The following XIRP2 variants were observed in gnomAD, a reference collection of about 807,000 sequenced individuals.
XIRP2 encodes the protein xin actin-binding repeat-containing protein 2.
XIRP2 carries 236 observed loss-of-function variants against 277.0 expected under a neutral mutation model. That is an observed-to-expected ratio of 0.85 (90% confidence interval 0.77 to 0.95). The LOEUF (loss-of-function observed/expected upper bound fraction) is 0.95. Ranked by LOEUF, XIRP2 falls within the 40% of genes least tolerant of loss-of-function variation. The pLI is 0.00. For synonymous variants in XIRP2, 1,490 were observed against 1,416.5 expected (o/e 1.05, Z -1.17); for missense variants, 4,640 against 4,157.5 (o/e 1.12, Z -3.19).
rs762260273 is a variant in XIRP2 at position 167,245,700 on chromosome 2, A to G, written c.4308A>G (p.Ile1436Met). The G allele has an allele frequency of 7.7e-5, 124 of 1,613,632 alleles. No homozygotes were observed. Among genetic ancestry groups the G allele is most frequent in the Middle Eastern group, 1.6e-4 (1 of 6,062 alleles). The change falls in exon 9 of 11, where the codon ATA (isoleucine) becomes ATG (methionine). Residue 1436 changes from isoleucine (I) to methionine (M), a missense_variant. Ile to Met is a conservative substitution (Grantham distance 10). Coordinates refer to ENST00000409195, the MANE Select transcript of XIRP2 (RefSeq NM_152381.6). Reference sequence around the variant, plus strand: ...AAAATTTTGATAAGAATAACTATATACGAACAGTAAGTGTCAATGAAATAC... The same window carrying G: ...AAAATTTTGATAAGAATAACTATATGCGAACAGTAAGTGTCAATGAAATAC... ...ESENFDKNNY[I>M]RTVSVNEIQK... is the part of the protein sequence containing the mutation.
intron 2 of XIRP2, among the ~76,000 whole-genome samples, chr2:166,983,597 C>G (rs1686928919): frequency 6.6e-6 from 1 of 152,116 alleles, no homozygotes; most frequent in African/African-American, 2.4e-5. Flanking sequence ...GATGGCTGAT[C>G]TCTTTGAGTT....
intron 2 of XIRP2, among the ~76,000 whole-genome samples, chr2:166,909,926 G>T (rs527255112): frequency 6.6e-6 from 1 of 152,116 alleles, no homozygotes; most frequent in Non-Finnish European, 1.5e-5. Context: ...ACTGATTTGC[G>T]TATGTTGAAC....
At chr2:166,932,664 A>G (rs561840934) in intron 2 of XIRP2, among the ~76,000 whole-genome samples, 3 of 152,174 alleles carry the variant, frequency 2.0e-5, no homozygotes, top group African/African-American at 7.2e-5. Context: ...TAGAATCTTT[A>G]CTATTTTTCA....
rs182972513 is a variant in XIRP2, at chr2:167,221,852, A to G, written c.858+3552A>G. On this transcript the variant is annotated intron_variant, in intron 5 of 10. Transcript: ENST00000409195. Reference sequence around the variant, plus strand: ...TATAGTAATTAATATTAATTTGGAAATCAAGTTTAATTAGAGTTAAAAGAA... The same window carrying G: ...TATAGTAATTAATATTAATTTGGAAGTCAAGTTTAATTAGAGTTAAAAGAA... Among the ~76,000 whole-genome samples the G allele has an allele frequency of 3.6e-3, 555 of 152,318 alleles. 2 individuals carry two copies. The highest frequency in any genetic ancestry group is 0.012 in the African/African-American group (519 of 41,564).
rs983231625 is a variant in XIRP2, at chr2:167,056,990, T to G, written c.409-78919T>G. Among the ~76,000 whole-genome samples, 10 of 152,274 alleles carry G rather than the reference T, an allele frequency of 6.6e-5. 1 individual carries two copies. The highest frequency in any genetic ancestry group is 1.9e-4 in the African/African-American group (8 of 41,554). ...TACTCTTGGGCAGTTTAACTTTTCT[T>G]TCTGTTTCCATATGTGAACTGGTGA... On this transcript the variant is annotated intron_variant, in intron 2 of 10. Transcript: ENST00000409195.
intron 3 of XIRP2, among the ~76,000 whole-genome samples, chr2:167,195,152 C>T (rs985282223): frequency 2.0e-5 from 3 of 152,152 alleles, no homozygotes; most frequent in Non-Finnish European, 4.4e-5. Flanking sequence ...AATTACTCTC[C>T]TCTCCTGGAG....
At chr2:167,064,849 C>T (rs559647159) in intron 2 of XIRP2, among the ~76,000 whole-genome samples, 3 of 151,970 alleles carry the variant, frequency 2.0e-5, no homozygotes, top group African/African-American at 4.8e-5. Context: ...TTTTTTAAGG[C>T]TGAATAATCT....
At chr2:167,152,431 C>T (rs908299410) in intron 3 of XIRP2, among the ~76,000 whole-genome samples, 9 of 151,964 alleles carry the variant, frequency 5.9e-5, no homozygotes, top group Admixed American at 1.3e-4. Context: ...AAAGCACTCA[C>T]GTTCAACAAT....
intron 2 of XIRP2, among the ~76,000 whole-genome samples, chr2:166,976,219 A>G (rs1217522398): frequency 6.6e-6 from 1 of 152,106 alleles, no homozygotes; most frequent in Non-Finnish European, 1.5e-5. Context: ...TGATGCTATC[A>G]TTGTTCATAT....
intron 3 of XIRP2, among the ~76,000 whole-genome samples, chr2:167,201,252 A>AG (rs1559018390): frequency 1.3e-4 from 9 of 71,770 alleles, no homozygotes; most frequent in Admixed American, 5.4e-4. Context: ...GAAAGAAAGA[A>AG]AGAAAGAAAG....
Position 167,243,203 on chromosome 2 carries a change from C to T in XIRP2, c.1811C>T (p.Ala604Val). The part of the protein sequence containing the change: ...PDEGDISRGI[A>V]DQEIIAGGDV... Reference sequence around the variant, plus strand: ...GAAGGTGATATTTCCAGGGGCATTGCTGATCAAGAAATCATTGCTGGTGGT... The same window carrying T: ...GAAGGTGATATTTCCAGGGGCATTGTTGATCAAGAAATCATTGCTGGTGGT... Residue 604 changes from alanine (A) to valine (V), a missense_variant, in exon 9 of 11, where the codon GCT becomes GTT. Transcript: ENST00000409195. 6.2e-7 allele frequency: 1 copy of T among 1,614,084 alleles called. No homozygotes were observed. The highest frequency in any genetic ancestry group is 8.5e-7 in the Non-Finnish European group (1 of 1,179,992).
At position 167,246,897 on chromosome 2, in the gene XIRP2, GATTATA is replaced by G; in HGVS notation, c.5507_5512del (p.Ile1836_Ile1837del). The stretch of plus-strand genomic sequence containing the variant: ...CATTTGGTAAGATACCCAAAGAAGA[GATTATA>G]AAAGGTGATTTGACATCAACCCTAA... On this transcript the variant is annotated inframe_deletion, in exon 9 of 11. Transcript: ENST00000409195. 1 of 1,613,388 alleles carries G rather than the reference GATTATA, an allele frequency of 6.2e-7. No individual in the cohort carries two copies. Among genetic ancestry groups the G allele is most frequent in the South Asian group, 1.1e-5 (1 of 91,030 alleles).
At chr2:167,099,477 A>C (rs1362816304) in intron 2 of XIRP2, among the ~76,000 whole-genome samples, 1 of 152,096 alleles carries the variant, frequency 6.6e-6, no homozygotes, top group Non-Finnish European at 1.5e-5. Flanking sequence ...GAGCAAGACC[A>C]CCTGGCTCCC....
intron 2 of XIRP2, among the ~76,000 whole-genome samples, chr2:166,998,340 A>G (rs1333572431): frequency 2.6e-5 from 4 of 152,114 alleles, no homozygotes; most frequent in Non-Finnish European, 5.9e-5. Context: ...GTTCCTATGT[A>G]AGAAAACCAA....
chr2:167,251,812 A>G lies in XIRP2; in HGVS notation c.10420A>G (p.Lys3474Glu). Residue 3474 changes from lysine (K) to glutamate (E), a missense_variant, in exon 9 of 11, where the codon AAA (lysine) becomes GAA (glutamate). Physicochemically the swap from Lys to Glu is moderately conservative, Grantham distance 56. Transcript: ENST00000409195. ...TATTTTAGATATCTCTGATTCACCT[A>G]AAGAAGTAAGAAAAAATTTTCAAAA... The part of the protein sequence containing the change: ...GHILDISDSP[K>E]EVRKNFQKTW... 1.2e-6 allele frequency: 2 copies of G among 1,613,330 alleles called. No homozygotes were observed. Among genetic ancestry groups the G allele is most frequent in the East Asian group, 2.2e-5 (1 of 44,836 alleles).
chr2:167,077,431 C>A (rs1689599770), intron 2 of XIRP2, among the ~76,000 whole-genome samples: 1 of 150,418 alleles, frequency 6.6e-6, no homozygotes, highest in African/African-American at 2.4e-5. Context: ...GAAGATGGAG[C>A]AGTTAAAAAA....
intron 3 of XIRP2, among the ~76,000 whole-genome samples, chr2:167,155,092 T>A (rs1692144408): frequency 6.6e-6 from 1 of 151,194 alleles, no homozygotes; most frequent in Non-Finnish European, 1.5e-5. Context: ...TCTGAAATTG[T>A]GGCAATAATC....
chr2:167,005,278 A>G (rs1346873529), intron 2 of XIRP2, among the ~76,000 whole-genome samples: 1 of 151,882 alleles, frequency 6.6e-6, no homozygotes, highest in Non-Finnish European at 1.5e-5. Context: ...ATTTTGTCAT[A>G]TTCTTTAGAG....
rs1695388373 is a variant in XIRP2, at chr2:167,249,237, A to G, written c.7845A>G (p.Gln2615=). The change falls in exon 9 of 11, where the codon CAA becomes CAG. Residue 2615 remains glutamine, a synonymous_variant. Transcript: ENST00000409195. ...CTVVQPSPGS[Q]SNARILGVCS... Reference sequence around the variant, plus strand: ...TGGTTCAACCCAGCCCAGGCTCTCAAAGTAATGCTCGGATACTAGGAGTGT... The same window carrying G: ...TGGTTCAACCCAGCCCAGGCTCTCAGAGTAATGCTCGGATACTAGGAGTGT... 1.9e-6 allele frequency: 3 copies of G among 1,613,750 alleles called. No individual in the cohort carries two copies. The highest frequency in any genetic ancestry group is 1.7e-6 in the Non-Finnish European group (2 of 1,179,770).
Sources: allele counts gnomAD v4.1 joint callset (sites outside exome capture counted in the v4.1 genomes callset), GRCh38; gene constraint gnomAD v4.1.1; transcripts MANE v1.5; gene names NCBI Gene and HGNC (gene_info 2026-07-23, HGNC 2026-07-21).